The following CANX variants were observed in gnomAD, a reference collection of about 807,000 sequenced individuals.
CANX encodes calnexin, also known as epididymis secretory sperm binding protein.
A neutral mutation model predicts 75.7 loss-of-function variants in CANX; 14 were observed. The ratio of observed to expected loss-of-function variants is 0.19; its 90% confidence interval spans 0.12 to 0.29. The LOEUF is 0.29. Ranked by LOEUF, CANX falls within the 10% of genes least tolerant of loss-of-function variation. The pLI, the probability that CANX is intolerant of heterozygous loss-of-function variation, is 1.00. For synonymous variants in CANX, 227 were observed against 236.9 expected, an observed-to-expected ratio of 0.96 and a Z score of 0.38; for missense variants, 567 against 713.2, an observed-to-expected ratio of 0.79 and a Z score of 2.34.
At position 179,706,419 on chromosome 5, in the gene CANX, A is replaced by G. The variant is rs139726080; in HGVS notation, c.245+88A>G. The G allele has an allele frequency of 3.3e-3, 2,104 of 645,664 alleles. 10 individuals are homozygous for G. Among genetic ancestry groups the G allele is most frequent in the Admixed American group, 4.3e-3 (160 of 36,868 alleles). The allele number at this position is 645,664 out of a possible 1,614,324, so 40.0% of individuals were successfully genotyped here. ...TTCCTTTTTGGATAGCATCTTTTAT[A>G]GTGAAATGTCTAACTTTATTTTATT... is the stretch of plus-strand genomic sequence containing the variant. On this transcript the variant is annotated intron_variant, in intron 3 of 14. Transcript: ENST00000247461.
rs183896004 is a variant in CANX, at chr5:179,727,460, G to A, written c.1725+701G>A. Among the ~76,000 whole-genome samples the A allele has an allele frequency of 1.3e-4, 20 of 152,300 alleles. No individual in the cohort carries two copies. In the East Asian group the frequency reaches 3.7e-3, roughly 28 times the overall value. Reference sequence around the variant, plus strand: ...AGAACTTTTCCATGGGGATGTAAGTGGGAAGAGCATTCCAGGCACAGAGAA... The same window carrying A: ...AGAACTTTTCCATGGGGATGTAAGTAGGAAGAGCATTCCAGGCACAGAGAA... On this transcript the variant is annotated intron_variant, in intron 14 of 14. Coordinates refer to ENST00000247461, the MANE Select transcript of CANX (RefSeq NM_001746.4).
intron 1 of CANX, among the ~76,000 whole-genome samples, chr5:179,690,142 C>G (rs998996713): frequency 2.6e-5 from 4 of 152,202 alleles, no homozygotes; most frequent in African/African-American, 9.6e-5. Flanking sequence ...TTCTGGCAAC[C>G]AAGAGGAATA....
At chr5:179,714,643 G>A (rs781082248) in intron 7 of CANX, among the ~76,000 whole-genome samples, 11 of 151,742 alleles carry the variant, frequency 7.2e-5, no homozygotes, top group Non-Finnish European at 1.6e-4. Flanking sequence ...TCAGCCTCCC[G>A]AGTAGCTGGG....
At chr5:179,698,396 C>G, upstream of CANX, 1 of 1,222,560 alleles carries the variant, frequency 8.2e-7, no homozygotes, top group Non-Finnish European at 1.0e-6. Context: ...AACTGCGGCG[C>G]CGGCTCACAC....
intron 14 of CANX, among the ~76,000 whole-genome samples, chr5:179,728,170 A>G (rs1778782929): frequency 6.6e-6 from 1 of 152,236 alleles, no homozygotes; most frequent in Non-Finnish European, 1.5e-5. Flanking sequence ...AATCTTAGCA[A>G]CTTGTGATAG....
Position 179,716,090 on chromosome 5 carries a change from TA to T in CANX, c.722-13del. 1 of 1,562,060 alleles carries T rather than the reference TA, an allele frequency of 6.4e-7. No homozygotes were observed. ...AAAATTAAGTACTTTTAATTCCATT[TA>T]ATGTTTCTTTCAGTCTTGAATCCAG... On this transcript the variant is annotated splice_polypyrimidine_tract_variant and intron_variant, in intron 7 of 14. Transcript: ENST00000247461.
chr5:179,701,629 A>T (rs1291057570), intron 1 of CANX, among the ~76,000 whole-genome samples: 1 of 151,450 alleles, frequency 6.6e-6, no homozygotes, highest in African/African-American at 2.4e-5. Flanking sequence ...GTTTATAATA[A>T]CTCCTAGGAA....
chr5:179,707,238 ATGT>A, intron 4 of CANX, 48 bp downstream of exon 4: 3 of 1,000,696 alleles, frequency 3.0e-6, no homozygotes, highest in Non-Finnish European at 4.8e-6. Context: ...GAGGTTTGAC[ATGT>A]TGTCTCCATG....
In CANX at chr5:179,684,108, T is replaced by C. The variant is rs903322212; in HGVS notation, c.-4+5331T>C. ...TTTCTCTTAAGTAAACACCTAGGAA[T>C]AGAATGACTGTGTCATATGGCAGGT... On this transcript the variant is annotated intron_variant, in intron 1 of 14. Transcript: ENST00000681674. Among the ~76,000 whole-genome samples the C allele has an allele frequency of 2.0e-5, 3 of 152,166 alleles. 1 individual carries two copies. The highest frequency in any genetic ancestry group is 7.2e-5 in the African/African-American group (3 of 41,450).
chr5:179,714,510 TTTTA>T (rs1315483617), intron 7 of CANX, among the ~76,000 whole-genome samples: 4 of 152,024 alleles, frequency 2.6e-5, no homozygotes, highest in Admixed American at 6.6e-5. Context: ...TTTTTTATTT[TTTTA>T]TTTATTTTTA....
chr5:179,723,542 T>G (rs1778447579), intron 11 of CANX, 118 bp from the exon 12 acceptor site: 2 of 958,230 alleles, frequency 2.1e-6, no homozygotes, highest in African/African-American at 3.4e-5. Flanking sequence ...ATGAGCATTT[T>G]CTCTGAAAAA....
intron 1 of CANX, among the ~76,000 whole-genome samples, chr5:179,680,429 C>T (rs928706013): frequency 6.6e-6 from 1 of 152,064 alleles, no homozygotes; most frequent in Non-Finnish European, 1.5e-5. Flanking sequence ...GGGAAGGGGA[C>T]CTGAAACAGC....
At chr5:179,681,908 A>G (rs1481424586) in intron 1 of CANX, among the ~76,000 whole-genome samples, 1 of 149,084 alleles carries the variant, frequency 6.7e-6, no homozygotes, top group East Asian at 2.0e-4. Context: ...TGATTGTGCC[A>G]CTGCACTCCA....
upstream of CANX, among the ~76,000 whole-genome samples, chr5:179,696,311 T>C (rs1379247523): frequency 2.2e-5 from 3 of 134,456 alleles, no homozygotes; most frequent in South Asian, 8.0e-4. Flanking sequence ...AGTCTGGCTC[T>C]GTCACCCAAG....
upstream of CANX, among the ~76,000 whole-genome samples, chr5:179,696,172 G>A (rs534650311): frequency 2.9e-3 from 438 of 151,438 alleles, 2 homozygotes; most frequent in Non-Finnish European, 5.0e-3. Context: ...ACCCACCTTC[G>A]CCTCCCAAAG....
At chr5:179,718,577 G>A (rs186987920) in intron 8 of CANX, among the ~76,000 whole-genome samples, 1 of 151,588 alleles carries the variant, frequency 6.6e-6, no homozygotes, top group Admixed American at 6.6e-5. Flanking sequence ...CGCCCAGGCT[G>A]GAGTGTAGTG....
intron 1 of CANX, among the ~76,000 whole-genome samples, chr5:179,688,904 G>A (rs746065880): frequency 1.3e-5 from 2 of 150,864 alleles, no homozygotes; most frequent in East Asian, 2.0e-4. Context: ...AGCCATGATC[G>A]TACCACTGCA....
At chr5:179,685,545 G>GTTT (rs1241169219) in intron 1 of CANX, among the ~76,000 whole-genome samples, 2 of 113,410 alleles carry the variant, frequency 1.8e-5, no homozygotes. Context: ...ACCGCGCCCA[G>GTTT]CTTTTTTTTT....
Position 179,706,288 on chromosome 5 carries a change from G to C in CANX, c.202G>C (p.Glu68Gln). The C allele has an allele frequency of 6.2e-7, 1 of 1,600,778 alleles. No homozygotes were observed. Among genetic ancestry groups the C allele is most frequent in the Non-Finnish European group, 8.6e-7 (1 of 1,169,118 alleles). ...TTACAAAGCTCCAGTTCCAACAGGGGAAGTATATTTTGCTGATTCTTTTGA... is the reference window on the plus strand; with the variant it reads ...TTACAAAGCTCCAGTTCCAACAGGGCAAGTATATTTTGCTGATTCTTTTGA... ...VTYKAPVPTG[E>Q]VYFADSFDRG... The change falls in exon 3 of 15, where the codon GAA becomes CAA. Residue 68 changes from glutamate to glutamine, a missense_variant. Coordinates refer to ENST00000247461, the MANE Select transcript of CANX (RefSeq NM_001746.4).
Sources: allele counts gnomAD v4.1 joint callset (sites outside exome capture counted in the v4.1 genomes callset), GRCh38; gene constraint gnomAD v4.1.1; transcripts MANE v1.5; gene names NCBI Gene and HGNC (gene_info 2026-07-23, HGNC 2026-07-21).